Variants in TDRP observed in about 807,000 individuals in gnomAD.
The protein encoded by TDRP is testis development related protein, also known as testis development-related protein.
TDRP carries 12 observed loss-of-function variants against 10.5 expected under a neutral mutation model. The observed-to-expected ratio is 1.15, with a 90% confidence interval of 0.73 to 1.86. The LOEUF is 1.86. Ranked by LOEUF, TDRP falls within the 40% of genes most tolerant of loss-of-function variation. The pLI is 0.00. For missense variants in TDRP, 353 were observed against 229.2 expected (o/e 1.54, Z -3.49); for synonymous variants, 139 against 95.4 (o/e 1.46, Z -2.67).
At chr8:516,662 A>G (rs1801764344) in intron 1 of TDRP, among the ~76,000 whole-genome samples, 1 of 152,138 alleles carries the variant, frequency 6.6e-6, no homozygotes, top group South Asian at 2.1e-4. Context: ...TGGTGGGAAA[A>G]TGGTGCAGCC....
At chr8:542,707 T>C (rs1802531254) in intron 1 of TDRP, among the ~76,000 whole-genome samples, 1 of 151,742 alleles carries the variant, frequency 6.6e-6, no homozygotes, top group African/African-American at 2.4e-5. Flanking sequence ...CTACTAAAAA[T>C]ACAAAATTAG....
intron 1 of TDRP, among the ~76,000 whole-genome samples, chr8:521,285 T>C (rs886180821): frequency 2.8e-5 from 4 of 142,616 alleles, no homozygotes; most frequent in African/African-American, 7.8e-5. Flanking sequence ...GGCGTGGTGG[T>C]GGGCGCCTGT....
chr8:532,744 G>T lies in TDRP; in HGVS notation c.108+11906C>A, dbSNP rs538304625. Among the ~76,000 whole-genome samples the T allele has an allele frequency of 2.2e-3, 340 of 152,250 alleles. 2 individuals carry two copies. Among genetic ancestry groups the T allele is most frequent in the African/African-American group, 7.9e-3 (330 of 41,538 alleles). The stretch of plus-strand genomic sequence containing the variant: ...ACAAACTCTAATAAGTTACCTTACA[G>T]TCAGAAGAGATTTCAAAGATCCTTT... On this transcript the variant is annotated intron_variant, in intron 1 of 2. Transcript: ENST00000324079.
chr8:526,833 G>A (rs1900696), intron 1 of TDRP, among the ~76,000 whole-genome samples: 101,458 of 152,096 alleles, frequency 0.67, 34,350 homozygotes, highest in African/African-American at 0.76. Flanking sequence ...GTTATTCAAC[G>A]TAGTACTGGA....
At chr8:536,078 GA>G (rs1374521491) in intron 1 of TDRP, among the ~76,000 whole-genome samples, 1 of 152,154 alleles carries the variant, frequency 6.6e-6, no homozygotes, top group African/African-American at 2.4e-5. Flanking sequence ...AAACTCTCAG[GA>G]ATAAAAATTT....
intron 1 of TDRP, among the ~76,000 whole-genome samples, chr8:500,062 T>A (rs1801244756): frequency 6.6e-6 from 1 of 152,242 alleles, no homozygotes; most frequent in Middle Eastern, 3.4e-3. Context: ...AGAGAGAAAG[T>A]GACATCCAAA....
At chr8:541,207 G>C (rs1276790917) in intron 1 of TDRP, among the ~76,000 whole-genome samples, 5 of 152,172 alleles carry the variant, frequency 3.3e-5, no homozygotes, top group Non-Finnish European at 4.4e-5. Flanking sequence ...TTTAGAATAA[G>C]ACTAATCTGT....
chr8:501,904 C>G (rs955945862), intron 1 of TDRP, among the ~76,000 whole-genome samples: 3 of 152,204 alleles, frequency 2.0e-5, no homozygotes, highest in Non-Finnish European at 4.4e-5. Context: ...GTGCATGACC[C>G]TGACCCACCC....
chr8:529,505 T>C (rs1184773478), intron 1 of TDRP, among the ~76,000 whole-genome samples: 1 of 152,212 alleles, frequency 6.6e-6, no homozygotes, highest in South Asian at 2.1e-4. Flanking sequence ...TAGCATCCTT[T>C]CACTTCAGCT....
chr8:500,493 T>C (rs1801260775), intron 1 of TDRP, among the ~76,000 whole-genome samples: 2 of 152,182 alleles, frequency 1.3e-5, no homozygotes, highest in African/African-American at 4.8e-5. Context: ...CTTCACCTCC[T>C]GTAATCAGAA....
In TDRP at chr8:544,643, C is replaced by A. The variant is rs1285151497; in HGVS notation, c.108+7G>T. 17 of 1,233,032 alleles carry A rather than the reference C, an allele frequency of 1.4e-5. No homozygotes were observed. The highest frequency in any genetic ancestry group is 1.6e-5 in the Non-Finnish European group (16 of 988,364). The allele number at this position is 1,233,032 out of a possible 1,614,324, so 76.4% of individuals were successfully genotyped here. A position where few individuals can be genotyped will look rare whatever the true frequency, so the allele number is the denominator to read the frequency against. The stretch of plus-strand genomic sequence containing the variant: ...TACTAGCACTCCCCACCTGCGCACC[C>A]CCTCACCTGCGCCTGGGCGGCGGCG... On this transcript the variant is annotated splice_region_variant and intron_variant, in intron 1 of 2. Coordinates refer to ENST00000324079, the MANE Select transcript of TDRP (RefSeq NM_001384899.1).
At chr8:508,310 G>C (rs1801520099) in intron 1 of TDRP, among the ~76,000 whole-genome samples, 1 of 152,174 alleles carries the variant, frequency 6.6e-6, no homozygotes, top group Non-Finnish European at 1.5e-5. Context: ...GACTGCTACA[G>C]ATAATATGTG....
At chr8:530,512 C>T (rs893190929) in intron 1 of TDRP, among the ~76,000 whole-genome samples, 1 of 152,158 alleles carries the variant, frequency 6.6e-6, no homozygotes. Context: ...AAGAACTTCA[C>T]CAATCAGCTC....
intron 1 of TDRP, among the ~76,000 whole-genome samples, chr8:501,030 C>A (rs926925381): frequency 6.6e-6 from 1 of 152,062 alleles, no homozygotes. Flanking sequence ...CACGGTGAAA[C>A]CCCGTCTCTA....
intron 1 of TDRP, among the ~76,000 whole-genome samples, chr8:513,241 T>C (rs184232669): frequency 0.017 from 2,584 of 152,062 alleles, 49 homozygotes; most frequent in Middle Eastern, 0.068. Flanking sequence ...CTTATGAATA[T>C]GGACCAAAAA....
intron 1 of TDRP, among the ~76,000 whole-genome samples, chr8:531,874 T>C (rs905373908): frequency 2.0e-5 from 3 of 152,166 alleles, no homozygotes; most frequent in Non-Finnish European, 4.4e-5. Flanking sequence ...TATTTCAACC[T>C]AGTATTTTAT....
chr8:501,736 C>G (rs140125956), intron 1 of TDRP, among the ~76,000 whole-genome samples: 2 of 152,202 alleles, frequency 1.3e-5, no homozygotes, highest in Non-Finnish European at 2.9e-5. Context: ...AATTTCTCAT[C>G]AGGAACACTG....
intron 1 of TDRP, among the ~76,000 whole-genome samples, chr8:523,650 T>G (rs76061993): frequency 6.6e-6 from 1 of 152,122 alleles, no homozygotes; most frequent in African/African-American, 2.4e-5. Context: ...ACATCGGCAA[T>G]AGCCTGGCAA....
At chr8:528,845 A>ATGTG (rs1469340777) in intron 1 of TDRP, among the ~76,000 whole-genome samples, 2 of 148,598 alleles carry the variant, frequency 1.3e-5, no homozygotes, top group Non-Finnish European at 3.0e-5. Flanking sequence ...GTGTGTGTAT[A>ATGTG]TATGTGTGTG....
Sources: gnomAD v4.1 joint callset for allele counts (sites outside exome capture counted in the v4.1 genomes callset) on GRCh38, gnomAD v4.1.1 for gene constraint, MANE v1.5 for transcripts, NCBI Gene and HGNC (gene_info 2026-07-23, HGNC 2026-07-21) for gene names.